Variants in TOX observed in about 807,000 individuals in gnomAD.
The protein encoded by TOX is thymocyte selection-associated high mobility group box protein TOX.
A neutral mutation model predicts 53.7 loss-of-function variants in TOX; 11 were observed. The observed-to-expected ratio is 0.20, with a 90% CI of 0.13 to 0.34. TOX has a LOEUF of 0.34. Among genes scored for constraint, TOX ranks in the 10% least tolerant of loss-of-function variants. TOX has a pLI of 1.00. For missense variants in TOX, 570 were observed against 664.6 expected (o/e 0.86, Z 1.56); for synonymous variants, 225 against 245.3 (o/e 0.92, Z 0.77).
chr8:59,010,334 T>C (rs1448482510), intron 1 of TOX, among the ~76,000 whole-genome samples: 4 of 152,186 alleles, frequency 2.6e-5, no homozygotes, highest in African/African-American at 4.8e-5. Context: ...TTACTATTAT[T>C]ACTATATTTT....
At chr8:58,921,503 A>C (rs1812075485) in intron 3 of TOX, among the ~76,000 whole-genome samples, 1 of 152,244 alleles carries the variant, frequency 6.6e-6, no homozygotes, top group Admixed American at 6.5e-5. Context: ...GGCCCATATA[A>C]GTTAAGTGAC....
chr8:59,021,617 A>C (rs1456780010), intron 1 of TOX, among the ~76,000 whole-genome samples: 1 of 151,458 alleles, frequency 6.6e-6, no homozygotes, highest in Non-Finnish European at 1.5e-5. Flanking sequence ...AGGACCTACA[A>C]TTTGGAACAT....
At chr8:59,075,614 T>C (rs1045985692) in intron 1 of TOX, among the ~76,000 whole-genome samples, 1 of 152,170 alleles carries the variant, frequency 6.6e-6, no homozygotes, top group Middle Eastern at 3.2e-3. Flanking sequence ...GGGCCCCACT[T>C]GAGAACCTAG....
chr8:59,050,717 C>T (rs1396998121), intron 1 of TOX, among the ~76,000 whole-genome samples: 1 of 152,094 alleles, frequency 6.6e-6, no homozygotes, highest in Non-Finnish European at 1.5e-5. Context: ...TTTGCATCAC[C>T]TAACATTTGG....
intron 1 of TOX, among the ~76,000 whole-genome samples, chr8:59,109,749 T>C (rs934970375): frequency 6.6e-6 from 1 of 152,168 alleles, no homozygotes; most frequent in African/African-American, 2.4e-5. Flanking sequence ...TCAAATGTTT[T>C]ACTACCATTC....
intron 7 of TOX, among the ~76,000 whole-genome samples, chr8:58,810,847 A>C (rs1306965158): frequency 6.6e-6 from 1 of 152,018 alleles, no homozygotes; most frequent in East Asian, 1.9e-4. Flanking sequence ...TCCCCACACA[A>C]AGACCACAGA....
At chr8:58,864,767 C>T (rs1321722925) in intron 3 of TOX, among the ~76,000 whole-genome samples, 3 of 152,132 alleles carry the variant, frequency 2.0e-5, no homozygotes, top group Non-Finnish European at 4.4e-5. Flanking sequence ...GGAGAGTGCA[C>T]AAGTCTTACT....
intron 1 of TOX, among the ~76,000 whole-genome samples, chr8:58,962,273 A>ACAG (rs1812812788): frequency 6.6e-6 from 1 of 152,206 alleles, no homozygotes; most frequent in Non-Finnish European, 1.5e-5. Flanking sequence ...CAAGACTAAA[A>ACAG]CAGCATTTTA....
intron 1 of TOX, among the ~76,000 whole-genome samples, chr8:59,107,369 A>G (rs941452878): frequency 5.3e-5 from 8 of 152,176 alleles, no homozygotes; most frequent in African/African-American, 1.9e-4. Context: ...ATAATAGCAT[A>G]TTAGTGTGCT....
intron 6 of TOX, 58 bp from the exon 7 acceptor site, chr8:58,815,782 G>T (rs1810166064): frequency 7.2e-6 from 11 of 1,526,280 alleles, no homozygotes; most frequent in Non-Finnish European, 9.7e-6. Context: ...TTGATTCAAG[G>T]TATGACGCTT....
intron 3 of TOX, among the ~76,000 whole-genome samples, chr8:58,860,837 A>G (rs976881795): frequency 6.6e-6 from 1 of 152,202 alleles, no homozygotes; most frequent in African/African-American, 2.4e-5. Context: ...GTTCAAAAAC[A>G]TTTTAACGTA....
chr8:58,859,328 A>C (rs1810967454), intron 3 of TOX, among the ~76,000 whole-genome samples: 1 of 152,178 alleles, frequency 6.6e-6, no homozygotes, highest in Non-Finnish European at 1.5e-5. Flanking sequence ...ATTTTTATAA[A>C]AATGTATTTT....
chr8:59,080,271 G>A lies in TOX; in HGVS notation c.102+38615C>T, dbSNP rs537050987. The stretch of plus-strand genomic sequence containing the variant: ...GCTAGGATTACAGGCGTGAGCCACT[G>A]CACCCAGCCACAGCCCCTTTCTTTT... On this transcript the variant is annotated intron_variant, in intron 1 of 8. Transcript: ENST00000361421. Among the ~76,000 whole-genome samples the A allele has an allele frequency of 5.9e-5, 9 of 152,222 alleles. No homozygotes were observed. The South Asian group carries it at 8.3e-4, about 14-fold the overall frequency.
At chr8:58,925,227 G>A (rs1176872578) in intron 3 of TOX, among the ~76,000 whole-genome samples, 2 of 152,198 alleles carry the variant, frequency 1.3e-5, no homozygotes, top group African/African-American at 4.8e-5. Flanking sequence ...TTAACTGAAT[G>A]TGGATAAAAA....
At chr8:58,990,232 A>T (rs1813415561) in intron 1 of TOX, among the ~76,000 whole-genome samples, 1 of 152,164 alleles carries the variant, frequency 6.6e-6, no homozygotes, top group African/African-American at 2.4e-5. Context: ...CAAGGTAAGG[A>T]GCTGGGATAG....
chr8:59,110,790 AC>A (rs1246361405), intron 1 of TOX, among the ~76,000 whole-genome samples: 1 of 151,772 alleles, frequency 6.6e-6, no homozygotes, highest in East Asian at 1.9e-4. Context: ...ACCTACAGAG[AC>A]CCCATTTTCC....
At chr8:58,930,588 A>G (rs191902765) in intron 3 of TOX, among the ~76,000 whole-genome samples, 1 of 152,336 alleles carries the variant, frequency 6.6e-6, no homozygotes, top group Non-Finnish European at 1.5e-5. Context: ...GAGGGAGGAC[A>G]GAACATTCGC....
chr8:58,907,587 C>A (rs561774774), intron 3 of TOX, among the ~76,000 whole-genome samples: 3 of 151,850 alleles, frequency 2.0e-5, no homozygotes, highest in East Asian at 1.9e-4. Context: ...AGAGGAAGAG[C>A]CTGTCTCAAA....
At chr8:59,071,132 G>A (rs548605298) in intron 1 of TOX, among the ~76,000 whole-genome samples, 8 of 152,274 alleles carry the variant, frequency 5.3e-5, no homozygotes, top group East Asian at 1.9e-4. Context: ...GACATGGGGC[G>A]GGTATCTATT....
Sources: gnomAD v4.1 joint callset for allele counts (sites outside exome capture counted in the v4.1 genomes callset) on GRCh38, gnomAD v4.1.1 for gene constraint, MANE v1.5 for transcripts, NCBI Gene and HGNC (gene_info 2026-07-23, HGNC 2026-07-21) for gene names.